The following CERS3 variants were observed in gnomAD, a reference collection of about 807,000 sequenced individuals.
The protein encoded by CERS3 is LAG1 homolog, ceramide synthase 3.
In CERS3, 33 loss-of-function variants were observed where a neutral mutation model predicts 50.3. The observed-to-expected ratio is 0.66, with a 90% CI of 0.50 to 0.88. The LOEUF (loss-of-function observed/expected upper bound fraction) is 0.88, where lower values mean the gene tolerates loss of function less well. Ranked by LOEUF, CERS3 falls within the 40% of genes least tolerant of loss-of-function variation. The pLI, the probability that CERS3 is intolerant of heterozygous loss-of-function variation, is 0.00. For missense variants in CERS3, 470 were observed against 460.3 expected, an observed-to-expected ratio of 1.02 and a Z score of -0.19; for synonymous variants, 176 against 155.2, an observed-to-expected ratio of 1.13 and a Z score of -0.99.
intron 10 of CERS3, among the ~76,000 whole-genome samples, chr15:100,466,737 T>TTTCCTTCCTTCCTTCC (rs1197426230): frequency 8.1e-5 from 6 of 74,296 alleles, no homozygotes; most frequent in East Asian, 4.8e-4. Context: ...TCTTTCCTTC[T>TTTCCTTCCTTCCTTCC]TTCCTTCCTT....
intron 11 of CERS3, among the ~76,000 whole-genome samples, chr15:100,445,941 C>T (rs145765090): frequency 4.8e-4 from 73 of 152,292 alleles, no homozygotes; most frequent in African/African-American, 1.6e-3. Context: ...TTAACGATGA[C>T]GTTATCTTGT....
chr15:100,415,666 C>T (rs1319869872), intron 11 of CERS3, among the ~76,000 whole-genome samples: 2 of 152,138 alleles, frequency 1.3e-5, no homozygotes, highest in South Asian at 2.1e-4. Context: ...TGGAAGCCAT[C>T]ATCCTCAGCA....
At chr15:100,420,545 C>T (rs919177343) in intron 11 of CERS3, among the ~76,000 whole-genome samples, 30 of 152,020 alleles carry the variant, frequency 2.0e-4, no homozygotes, top group Non-Finnish European at 3.7e-4. Context: ...CTATTCCAAT[C>T]AATAGAAAAA....
intron 1 of CERS3, 104 bp from the exon 2 acceptor site, chr15:100,521,860 A>G (rs140450852): frequency 2.4e-4 from 36 of 152,328 alleles, no homozygotes; most frequent in African/African-American, 8.4e-4. Context: ...TTTCAAACCA[A>G]CGGGAGAGCT....
chr15:100,474,689 C>G (rs1209668124), intron 8 of CERS3, among the ~76,000 whole-genome samples: 1 of 152,268 alleles, frequency 6.6e-6, no homozygotes, highest in Admixed American at 6.5e-5. Context: ...AGGCGTGAGC[C>G]TCTGCGCCCA....
At chr15:100,408,160 C>A (rs1220455210) in intron 11 of CERS3, among the ~76,000 whole-genome samples, 2 of 152,220 alleles carry the variant, frequency 1.3e-5, no homozygotes, top group African/African-American at 4.8e-5. Flanking sequence ...GTGTAAGCCA[C>A]CACACTCGGC....
At chr15:100,480,692 C>G (rs1174661614) in intron 5 of CERS3, among the ~76,000 whole-genome samples, 1 of 152,046 alleles carries the variant, frequency 6.6e-6, no homozygotes, top group African/African-American at 2.4e-5. Context: ...TGAATATTTT[C>G]TATTATTAAG....
rs930737051 is a variant in CERS3, at chr15:100,434,809, T to A, written c.999+21084A>T. Among the ~76,000 whole-genome samples, 8 of 152,346 alleles carry A rather than the reference T, an allele frequency of 5.3e-5. No homozygotes were observed. In the East Asian group the frequency reaches 1.5e-3, roughly 29 times the overall value. On this transcript the variant is annotated intron_variant, in intron 11 of 11. Transcript: ENST00000679737. ...TAAAGTTCAGATTCCATATACGACA[T>A]CTGTGTGTGTGCGTCTGTTTCTCTA...
intron 11 of CERS3, among the ~76,000 whole-genome samples, chr15:100,453,896 C>T (rs1347207180): frequency 1.3e-5 from 2 of 152,088 alleles, no homozygotes; most frequent in East Asian, 3.9e-4. Context: ...TTTACAATAA[C>T]TACAAAAATA....
At chr15:100,412,833 A>G (rs1016655677) in intron 11 of CERS3, among the ~76,000 whole-genome samples, 26 of 152,198 alleles carry the variant, frequency 1.7e-4, no homozygotes, top group East Asian at 7.7e-4. Flanking sequence ...TGTGGCTTTT[A>G]AAATTAGCTT....
intron 10 of CERS3, among the ~76,000 whole-genome samples, chr15:100,459,631 T>C (rs921651996): frequency 4.6e-5 from 7 of 152,194 alleles, no homozygotes; most frequent in Non-Finnish European, 1.0e-4. Flanking sequence ...GATTATCCAC[T>C]TAGAATAGCT....
At chr15:100,476,650 A>C (rs996439683) in intron 7 of CERS3, among the ~76,000 whole-genome samples, 1 of 152,220 alleles carries the variant, frequency 6.6e-6, no homozygotes, top group Non-Finnish European at 1.5e-5. Context: ...CAGTAATAAA[A>C]TATGCATAAT....
intron 10 of CERS3, 26 bp downstream of exon 10, chr15:100,469,352 G>A (rs2034887098): frequency 1.3e-6 from 2 of 1,572,118 alleles, no homozygotes; most frequent in Admixed American, 3.3e-5. Flanking sequence ...CTGACCAAAG[G>A]CAGGGCACAT....
intron 1 of CERS3, among the ~76,000 whole-genome samples, chr15:100,536,925 T>C (rs2037088055): frequency 6.6e-6 from 1 of 152,202 alleles, no homozygotes; most frequent in Non-Finnish European, 1.5e-5. Flanking sequence ...GGAAACAAAA[T>C]GCTTCTTATT....
intron 2 of CERS3, among the ~76,000 whole-genome samples, chr15:100,506,843 G>A (rs28618997): frequency 0.1 from 15,783 of 152,196 alleles, 917 homozygotes; most frequent in Middle Eastern, 0.15. Flanking sequence ...TGGTGAAAAT[G>A]TTTAACATTT....
intron 3 of CERS3, among the ~76,000 whole-genome samples, chr15:100,493,705 C>G (rs540955155): frequency 6.6e-6 from 1 of 152,182 alleles, no homozygotes; most frequent in African/African-American, 2.4e-5. Flanking sequence ...TTTCTTCATT[C>G]TCTTTTATTT....
At chr15:100,520,835 C>T (rs1204967242) in intron 2 of CERS3, among the ~76,000 whole-genome samples, 4 of 152,078 alleles carry the variant, frequency 2.6e-5, no homozygotes, top group Admixed American at 2.0e-4. Flanking sequence ...GCCGGGAGAG[C>T]ATAGACCTGG....
rs1555528324 is a variant in CERS3, at chr15:100,467,850, T to TAG, written c.845+1527_845+1528insCT. ...ATATATATACGTGTATATATATATA[T>TAG]ATAGATAGATAGATAGATAGATAGA... On this transcript the variant is annotated intron_variant, in intron 10 of 11. Coordinates refer to ENST00000679737, the MANE Select transcript of CERS3 (RefSeq NM_001378789.1). 3.4e-3 allele frequency among the ~76,000 whole-genome samples: 313 copies of TAG among 93,128 alleles called. 6 individuals are homozygous for TAG. Among genetic ancestry groups the TAG allele is most frequent in the East Asian group, 6.7e-3 (24 of 3,570 alleles). The allele number at this position is 93,128 out of a possible 152,430, so 61.1% of individuals were successfully genotyped here. A position where few individuals can be genotyped will look rare whatever the true frequency, so the allele number is the denominator to read the frequency against.
Position 100,435,579 on chromosome 15 carries a change from T to G in CERS3, c.999+20314A>C, listed in dbSNP as rs1026173645. Among the ~76,000 whole-genome samples, 3 of 152,158 alleles carry G rather than the reference T, an allele frequency of 2.0e-5. No individual in the cohort carries two copies. In the South Asian group the frequency reaches 6.2e-4, roughly 32 times the overall value. On this transcript the variant is annotated intron_variant, in intron 11 of 11. Transcript: ENST00000679737. ...TAGGCATGGGCAAAGACTTCATGAC[T>G]AAAACACCAAAAGCAATGGCAACAA...
Sources: gnomAD v4.1 joint callset for allele counts (sites outside exome capture counted in the v4.1 genomes callset) on GRCh38, gnomAD v4.1.1 for gene constraint, MANE v1.5 for transcripts, NCBI Gene and HGNC (gene_info 2026-07-23, HGNC 2026-07-21) for gene names.